Variants in PHC3 observed in about 807,000 individuals in gnomAD.
PHC3 encodes the protein polyhomeotic homolog 3.
Under a neutral mutation model 107.4 loss-of-function variants are expected in PHC3, and 13 were observed. That is an observed-to-expected ratio of 0.12 (90% CI 0.08 to 0.19). The LOEUF (loss-of-function observed/expected upper bound fraction) is 0.19, where lower values mean the gene tolerates loss of function less well. Ranked by LOEUF, PHC3 falls within the 10% of genes least tolerant of loss-of-function variation. The pLI, the probability that PHC3 is intolerant of heterozygous loss-of-function variation, is 1.00. For missense variants in PHC3, 992 were observed against 1,210.9 expected (o/e 0.82, Z 2.68); for synonymous variants, 456 against 427.4 (o/e 1.07, Z -0.83).
intron 11 of PHC3, among the ~76,000 whole-genome samples, chr3:170,113,034 T>C (rs1718143725): frequency 6.6e-6 from 1 of 152,178 alleles, no homozygotes; most frequent in Non-Finnish European, 1.5e-5. Flanking sequence ...GTTACTTAAG[T>C]CTGCTTTAAA....
rs1443680824 is a variant in PHC3 at position 170,171,407 on chromosome 3, C to T, written c.380G>A (p.Ser127Asn). The T allele has an allele frequency of 1.3e-5, 21 of 1,607,654 alleles. No individual in the cohort carries two copies. Among genetic ancestry groups the T allele is most frequent in the Non-Finnish European group, 1.6e-5 (19 of 1,177,882 alleles). Residue 127 changes from serine to asparagine, a missense_variant, in exon 4 of 15, where the codon AGT becomes AAT. Transcript: ENST00000495893. ...GGACATACTTGACTGCTGTGTGACA[C>T]TTCCTGTGGGAGATGTAGATGGTCT... is the stretch of plus-strand genomic sequence containing the variant. ...SGRPSTSPTG[S>N]VTQQSSMSQT...
intron 7 of PHC3, among the ~76,000 whole-genome samples, chr3:170,136,097 C>A (rs1158058602): frequency 1.3e-5 from 2 of 152,038 alleles, no homozygotes; most frequent in Admixed American, 6.6e-5. Context: ...AAAATTATCC[C>A]ACTGAAGTAT....
chr3:170,175,336 A>G (rs1215171891), intron 2 of PHC3, among the ~76,000 whole-genome samples: 1 of 152,206 alleles, frequency 6.6e-6, no homozygotes, highest in African/African-American at 2.4e-5. Context: ...ACTAGAGGAC[A>G]AAATGGTATA....
At chr3:170,165,544 G>A (rs907731232) in intron 4 of PHC3, among the ~76,000 whole-genome samples, 4 of 151,898 alleles carry the variant, frequency 2.6e-5, no homozygotes, top group African/African-American at 9.7e-5. Context: ...CCTGAGGTCA[G>A]GAGTTCAAGA....
At chr3:170,136,225 T>C in intron 7 of PHC3, 194 bp downstream of exon 7, 1 of 601,262 alleles carries the variant, frequency 1.7e-6, no homozygotes, top group Non-Finnish European at 2.7e-6. Flanking sequence ...ACCTATTATA[T>C]TGTTACAATT....
rs1354414487 is a variant in PHC3, at chr3:170,093,290, ATGGTTTTCT to A, written c.*3931_*3939del. On this transcript the variant is annotated 3_prime_UTR_variant, in exon 15 of 15. Transcript: ENST00000495893. ...AGATCTCTCCAAGAAAGAAGTTTTC[ATGGTTTTCT>A]TGGAGCTAGAGGCCTTAGAGAGGTA... The A allele has an allele frequency of 6.6e-6, 1 of 152,180 alleles. No individual in the cohort carries two copies. The highest frequency in any genetic ancestry group is 2.4e-5 in the African/African-American group (1 of 41,442). The allele number at this position is 152,180 out of a possible 1,614,324, so 9.4% of individuals were successfully genotyped here.
intron 2 of PHC3, among the ~76,000 whole-genome samples, chr3:170,175,541 C>G (rs943413289): frequency 3.3e-5 from 5 of 150,812 alleles, no homozygotes; most frequent in Non-Finnish European, 7.4e-5. Flanking sequence ...GAGGCTGAAG[C>G]AGGAGGAGCA....
chr3:170,102,322 G>C, intron 14 of PHC3, 157 bp downstream of exon 14: 1 of 985,414 alleles, frequency 1.0e-6, no homozygotes, highest in Non-Finnish European at 1.2e-6. Flanking sequence ...GAATAAGCAA[G>C]AGGAAACAGA....
chr3:170,095,377 A>G lies in PHC3; in HGVS notation c.*1853T>C, dbSNP rs546797708. 4.6e-5 allele frequency: 7 copies of G among 152,274 alleles called. 1 individual carries two copies. The South Asian group carries it at 1.5e-3, about 32-fold the overall frequency. 9.4% of individuals were successfully genotyped at this position (152,274 alleles called of 1,614,324 possible). A position where few individuals can be genotyped will look rare whatever the true frequency, so the allele number is the denominator to read the frequency against. ...CTATCAGTAAACATCTTTTTTTAAA[A>G]CATTACTACACAAAGAATTCCACAA... On this transcript the variant is annotated 3_prime_UTR_variant, in exon 15 of 15. Coordinates refer to ENST00000495893, the MANE Select transcript of PHC3 (RefSeq NM_024947.4).
chr3:170,168,099 C>T (rs748174463), intron 4 of PHC3, among the ~76,000 whole-genome samples: 1 of 151,192 alleles, frequency 6.6e-6, no homozygotes, highest in Non-Finnish European at 1.5e-5. Flanking sequence ...GAGATTGAGG[C>T]GGTAGTGAGT....
intron 8 of PHC3, among the ~76,000 whole-genome samples, chr3:170,127,903 G>A (rs1721615925): frequency 6.6e-6 from 1 of 152,114 alleles, no homozygotes; most frequent in African/African-American, 2.4e-5. Flanking sequence ...ATTGTTTTTA[G>A]AGGTTTATTC....
At chr3:170,111,899 A>G (rs985007207) in intron 11 of PHC3, among the ~76,000 whole-genome samples, 4 of 152,328 alleles carry the variant, frequency 2.6e-5, no homozygotes, top group Admixed American at 2.6e-4. Flanking sequence ...AAATATTTGT[A>G]AAGTGAATAA....
In PHC3 at chr3:170,097,661, T is replaced by C. The variant is rs1323448189; in HGVS notation, c.2834-277A>G. Among the ~76,000 whole-genome samples the C allele has an allele frequency of 6.6e-6, 1 of 152,192 alleles. No homozygotes were observed. Among genetic ancestry groups the C allele is most frequent in the African/African-American group, 2.4e-5 (1 of 41,454 alleles). ...AATTCATAAGAGGGAAGTCTAGATA[T>C]AATACTTCCTTCACAAAAAGGACTA... On this transcript the variant is annotated intron_variant, in intron 14 of 14. Coordinates refer to ENST00000495893, the MANE Select transcript of PHC3 (RefSeq NM_024947.4). The surrounding 1 kb of genome is among the most constrained non-coding windows in gnomAD (Gnocchi z 4.1).
At chr3:170,139,545 C>T (rs963002609) in intron 6 of PHC3, among the ~76,000 whole-genome samples, 1 of 152,136 alleles carries the variant, frequency 6.6e-6, no homozygotes, top group African/African-American at 2.4e-5. Context: ...CCGAAACCTG[C>T]AGCATATCCA....
intron 4 of PHC3, chr3:170,170,968 A>T: frequency 5.3e-6 from 1 of 189,010 alleles, no homozygotes; most frequent in Non-Finnish European, 1.1e-5. Flanking sequence ...AGCTGAAAGT[A>T]TAATTTCTAA....
chr3:170,149,260 T>G lies in PHC3; in HGVS notation c.415-16A>C. 6.3e-7 allele frequency: 1 copy of G among 1,599,626 alleles called. No individual in the cohort carries two copies. Among genetic ancestry groups the G allele is most frequent in the Non-Finnish European group, 8.5e-7 (1 of 1,172,942 alleles). ...AGAGGTTGATCTAAGGAAGAAAACATATTAGGTCATAGGCTTCCATTTCTT... is the reference window on the plus strand; with the variant it reads ...AGAGGTTGATCTAAGGAAGAAAACAGATTAGGTCATAGGCTTCCATTTCTT... On this transcript the variant is annotated splice_polypyrimidine_tract_variant and intron_variant, in intron 4 of 14. Coordinates refer to ENST00000495893, the MANE Select transcript of PHC3 (RefSeq NM_024947.4).
chr3:170,140,843 C>G (rs1723977355), intron 6 of PHC3, among the ~76,000 whole-genome samples: 1 of 152,006 alleles, frequency 6.6e-6, no homozygotes, highest in Admixed American at 6.6e-5. Context: ...AGTGATCTGC[C>G]TGCCTTGGCC....
intron 4 of PHC3, among the ~76,000 whole-genome samples, chr3:170,169,198 T>C (rs1300310056): frequency 6.6e-6 from 1 of 152,196 alleles, no homozygotes; most frequent in African/African-American, 2.4e-5. Context: ...CATTTCCCCA[T>C]TGGGATCCCA....
chr3:170,126,352 G>GA (rs1322105621), intron 8 of PHC3, among the ~76,000 whole-genome samples: 2 of 151,514 alleles, frequency 1.3e-5, no homozygotes, highest in Non-Finnish European at 1.5e-5. Context: ...AGGTAACATG[G>GA]AAACATCCAT....
Sources: allele counts gnomAD v4.1 joint callset (sites outside exome capture counted in the v4.1 genomes callset), GRCh38; gene constraint gnomAD v4.1.1; non-coding constraint Gnocchi (gnomAD v3.1); transcripts MANE v1.5; gene names NCBI Gene and HGNC (gene_info 2026-07-23, HGNC 2026-07-21).